Variants in HEATR5A observed in about 807,000 individuals in gnomAD.
HEATR5A encodes HEAT repeat containing 5A.
Under a neutral mutation model 218.8 loss-of-function variants are expected in HEATR5A, and 178 were observed. The ratio of observed to expected loss-of-function variants is 0.81; its 90% CI spans 0.72 to 0.92. The LOEUF is 0.92. Ranked by LOEUF, HEATR5A falls within the 40% of genes least tolerant of loss-of-function variation. The pLI, the probability that HEATR5A is intolerant of heterozygous loss-of-function variation, is 0.00. For synonymous variants in HEATR5A, 864 were observed against 871.6 expected (o/e 0.99, Z 0.15); for missense variants, 2,420 against 2,418.9 (o/e 1.00, Z -0.01).
At chr14:31,311,703 A>T (rs1447568323) in intron 28 of HEATR5A, among the ~76,000 whole-genome samples, 2 of 152,256 alleles carry the variant, frequency 1.3e-5, no homozygotes, top group African/African-American at 2.4e-5. Context: ...TTAAACAATC[A>T]GGAAGAAAAC....
At position 31,374,927 on chromosome 14, in the gene HEATR5A, A is replaced by G. The variant is rs770056806; in HGVS notation, c.1750T>C (p.Leu584=). Residue 584 remains leucine (L), a synonymous_variant, in exon 12 of 36, where the codon TTG becomes CTG. Transcript: ENST00000543095. ...GATGCTGGAAAGACACACTTCCACAACAGCAGAACTCGAGCAAGGTGATGG... is the reference window on the plus strand; with the variant it reads ...GATGCTGGAAAGACACACTTCCACAGCAGCAGAACTCGAGCAAGGTGATGG... ...VSHHLARVLL[L]WKCVFPASPK... is the part of the protein sequence containing the mutation. 1.9e-6 allele frequency: 3 copies of G among 1,612,350 alleles called. No individual in the cohort carries two copies. The highest frequency in any genetic ancestry group is 2.5e-6 in the Non-Finnish European group (3 of 1,179,232).
At chr14:31,355,238 AG>A (rs1901382401) in intron 16 of HEATR5A, among the ~76,000 whole-genome samples, 2 of 152,120 alleles carry the variant, frequency 1.3e-5, no homozygotes, top group Non-Finnish European at 2.9e-5. Context: ...ACATGGCGAA[AG>A]CCCATCTCTA....
At chr14:31,363,392 G>A (rs560063043) in intron 14 of HEATR5A, among the ~76,000 whole-genome samples, 8 of 152,212 alleles carry the variant, frequency 5.3e-5, no homozygotes, top group Non-Finnish European at 8.8e-5. Flanking sequence ...TATCTAGCAA[G>A]TAACTTTTAA....
chr14:31,345,410 G>T (rs1900987509), intron 19 of HEATR5A, 134 bp from the exon 20 acceptor site: 2 of 666,062 alleles, frequency 3.0e-6, no homozygotes, highest in South Asian at 4.1e-5. Context: ...TGTGGAAAGA[G>T]AAATGGAGGA....
At position 31,369,385 on chromosome 14, in the gene HEATR5A, G is replaced by A. The variant is rs76187916; in HGVS notation, c.1961+2425C>T. 5.5e-3 allele frequency among the ~76,000 whole-genome samples: 842 copies of A among 152,132 alleles called. 47 individuals carry two copies. The East Asian group carries it at 0.12, about 22-fold the overall frequency. On this transcript the variant is annotated intron_variant, in intron 13 of 35. Coordinates refer to ENST00000543095, the MANE Select transcript of HEATR5A (RefSeq NM_015473.4). Reference sequence around the variant, plus strand: ...CCCAGCACTTTGGGAGGCTGAGGCCGGCAGATCACTTGAGGCCTGAAGTTC... The same window carrying A: ...CCCAGCACTTTGGGAGGCTGAGGCCAGCAGATCACTTGAGGCCTGAAGTTC...
At chr14:31,348,179 T>A (rs941617697) in intron 18 of HEATR5A, among the ~76,000 whole-genome samples, 1 of 152,112 alleles carries the variant, frequency 6.6e-6, no homozygotes, top group Non-Finnish European at 1.5e-5. Context: ...ATGAAGAAGG[T>A]TTTTAAGATA....
At chr14:31,325,484 ATATGTATGTATGTATG>A (rs543647892) in intron 23 of HEATR5A, among the ~76,000 whole-genome samples, 7 of 142,284 alleles carry the variant, frequency 4.9e-5, no homozygotes, top group East Asian at 2.0e-4. Context: ...ATGTATGAAC[ATATGTATGTATGTATG>A]TATGTATGTA....
In HEATR5A at chr14:31,347,771, C is replaced by T; in HGVS notation, c.2845G>A (p.Asp949Asn). ...ACCTGCACATCAGGAGAAGTGCTGT[C>T]CTGCGCCAAAGTATAAAGGATTCCA... ...CIGILYTLAQ[D>N]STSPDVQTWA... Residue 949 changes from aspartate to asparagine, a missense_variant, in exon 19 of 36, where the codon GAC (aspartate) becomes AAC (asparagine). By Grantham distance (23) the Asp-to-Asn change is conservative. Transcript: ENST00000543095. 4 of 1,606,852 alleles carry T rather than the reference C, an allele frequency of 2.5e-6. No homozygotes were observed. The highest frequency in any genetic ancestry group is 3.4e-6 in the Non-Finnish European group (4 of 1,177,412).
At chr14:31,416,290 T>TTTTG (rs1285883462) in intron 1 of HEATR5A, among the ~76,000 whole-genome samples, 1 of 152,152 alleles carries the variant, frequency 6.6e-6, no homozygotes, top group Non-Finnish European at 1.5e-5. Context: ...CTAATTTTTT[T>TTTTG]TTTGTATTTT....
intron 31 of HEATR5A, among the ~76,000 whole-genome samples, chr14:31,305,802 C>A (rs1332651944): frequency 6.6e-6 from 1 of 152,120 alleles, no homozygotes; most frequent in Non-Finnish European, 1.5e-5. Context: ...GGTGGCTGGA[C>A]AGAAAGACAG....
chr14:31,340,370 C>T, intron 21 of HEATR5A: 5 of 852,592 alleles, frequency 5.9e-6, no homozygotes, highest in South Asian at 5.8e-5. Flanking sequence ...AGGAAACAAA[C>T]ATCTACAACC....
Position 31,387,233 on chromosome 14 carries a change from C to T in HEATR5A, c.1076G>A (p.Arg359His), listed in dbSNP as rs373714250. ...QTQIDAVCCR[R>H]CVSFILRTTI... Reference sequence around the variant, plus strand: ...AGTTCGAAGAATAAATGAAACACAACGGCGACAGCAGACGGCATCGATCTG... The same window carrying T: ...AGTTCGAAGAATAAATGAAACACAATGGCGACAGCAGACGGCATCGATCTG... The change falls in exon 8 of 36, where the codon CGT (arginine) becomes CAT (histidine). Residue 359 changes from arginine to histidine, a missense_variant. Transcript: ENST00000543095. 17 of 1,613,780 alleles carry T rather than the reference C, an allele frequency of 1.1e-5. No homozygotes were observed. The highest frequency in any genetic ancestry group is 5.3e-5 in the African/African-American group (4 of 74,884).
At chr14:31,417,549 A>C (rs1439990438) in intron 1 of HEATR5A, among the ~76,000 whole-genome samples, 2 of 151,414 alleles carry the variant, frequency 1.3e-5, no homozygotes, top group Non-Finnish European at 2.9e-5. Context: ...GCGCCACTGC[A>C]CTCTAGCCTG....
At chr14:31,330,898 G>A (rs902778078) in intron 22 of HEATR5A, among the ~76,000 whole-genome samples, 17 of 150,878 alleles carry the variant, frequency 1.1e-4, no homozygotes, top group African/African-American at 4.2e-4. Flanking sequence ...ACATCCTCAG[G>A]CTGCAAATTT....
At chr14:31,397,326 T>C (rs1460145266) in intron 4 of HEATR5A, among the ~76,000 whole-genome samples, 1 of 151,622 alleles carries the variant, frequency 6.6e-6, no homozygotes, top group Non-Finnish European at 1.5e-5. Context: ...CAGTGTGATG[T>C]TTTTAGATTT....
intron 25 of HEATR5A, among the ~76,000 whole-genome samples, chr14:31,319,416 G>A (rs1012625262): frequency 6.6e-5 from 10 of 152,180 alleles, no homozygotes; most frequent in Admixed American, 2.0e-4. Context: ...GCCTCCCAAA[G>A]TGCTGGGATT....
In HEATR5A at chr14:31,380,517, G is replaced by A. The variant is rs775941644; in HGVS notation, c.1658C>T (p.Ala553Val). 2 of 1,609,164 alleles carry A rather than the reference G, an allele frequency of 1.2e-6. No individual in the cohort carries two copies. Among genetic ancestry groups the A allele is most frequent in the South Asian group, 1.1e-5 (1 of 89,694 alleles). Residue 553 changes from alanine (A) to valine (V), a missense_variant, in exon 11 of 36, where the codon GCT becomes GTT. By Grantham distance (64) the Ala-to-Val change is moderately conservative. Coordinates refer to ENST00000543095, the MANE Select transcript of HEATR5A (RefSeq NM_015473.4). ...CSAAQNSRLS[A>V]QRTQAGWLLI... ...CAACCATCCAGCTTGTGTGCGCTGAGCTGAAAGGCGACTGTTTTGAGCAGC... is the reference window on the plus strand; with the variant it reads ...CAACCATCCAGCTTGTGTGCGCTGAACTGAAAGGCGACTGTTTTGAGCAGC...
chr14:31,349,701 A>G, intron 18 of HEATR5A, 88 bp downstream of exon 18: 1 of 791,576 alleles, frequency 1.3e-6, no homozygotes, highest in Non-Finnish European at 2.0e-6. Flanking sequence ...AAATCTCAGA[A>G]TGAAGATCTT....
chr14:31,363,819 G>A (rs1011610516), intron 14 of HEATR5A, among the ~76,000 whole-genome samples: 2 of 151,968 alleles, frequency 1.3e-5, no homozygotes, highest in African/African-American at 2.4e-5. Context: ...TGTCTCTAAC[G>A]AAAATACAAA....
Sources: gnomAD v4.1 joint callset for allele counts (sites outside exome capture counted in the v4.1 genomes callset) on GRCh38, gnomAD v4.1.1 for gene constraint, MANE v1.5 for transcripts, NCBI Gene and HGNC (gene_info 2026-07-23, HGNC 2026-07-21) for gene names.